The following ELAPOR2 variants were observed in gnomAD, a reference collection of about 807,000 sequenced individuals.
The protein encoded by ELAPOR2 is endosome-lysosome associated apoptosis and autophagy regulator family member 2, also known as endosome/lysosome-associated apoptosis and autophagy regulator family member 2.
In ELAPOR2, 89 loss-of-function variants were observed where a neutral mutation model predicts 120.7. The observed-to-expected ratio is 0.74, with a 90% CI of 0.62 to 0.88. The LOEUF is 0.88. Ranked by LOEUF, ELAPOR2 falls within the 40% of genes least tolerant of loss-of-function variation. ELAPOR2 has a pLI of 0.00. For missense variants in ELAPOR2, 1,134 were observed against 1,251.6 expected (o/e 0.91, Z 1.42); for synonymous variants, 444 against 444.9 (o/e 1.00, Z 0.03).
At chr7:87,016,665 T>TTATATA (rs60187915) in intron 1 of ELAPOR2, among the ~76,000 whole-genome samples, 2 of 147,700 alleles carry the variant, frequency 1.4e-5, no homozygotes, top group Non-Finnish European at 3.0e-5. Context: ...ATAGTAACTA[T>TTATATA]TATATATATA....
intron 1 of ELAPOR2, among the ~76,000 whole-genome samples, chr7:87,034,751 GT>G (rs1198758182): frequency 8.5e-5 from 13 of 152,108 alleles, no homozygotes; most frequent in Non-Finnish European, 1.8e-4. Context: ...TTTTTACACT[GT>G]AGCATTCTTA....
Position 86,940,032 on chromosome 7 carries a change from C to T in ELAPOR2, c.825G>A (p.Leu275=). 2 of 1,604,230 alleles carry T rather than the reference C, an allele frequency of 1.2e-6. No individual in the cohort carries two copies. The highest frequency in any genetic ancestry group is 1.7e-6 in the Non-Finnish European group (2 of 1,173,878). Residue 275 remains leucine, a synonymous_variant, in exon 6 of 22, where the codon CTG becomes CTA. Transcript: ENST00000450689. ...LMGSKAVKPV[L]VKNITIEGVA... Reference sequence around the variant, plus strand: ...TACCTTCAATTGTGATATTTTTTACCAGCACAGGCTTGACCGCCTTAGAAC... The same window carrying T: ...TACCTTCAATTGTGATATTTTTTACTAGCACAGGCTTGACCGCCTTAGAAC...
chr7:87,042,826 G>C (rs1794827612), intron 1 of ELAPOR2, among the ~76,000 whole-genome samples: 1 of 152,086 alleles, frequency 6.6e-6, no homozygotes, highest in Non-Finnish European at 1.5e-5. Context: ...CCAGGAGCTG[G>C]TTTTTTGAAA....
At chr7:86,928,000 C>T (rs1562927610) in intron 8 of ELAPOR2, among the ~76,000 whole-genome samples, 1 of 151,978 alleles carries the variant, frequency 6.6e-6, no homozygotes. Context: ...CTCCTTTAGG[C>T]TACCCAATTT....
chr7:87,047,263 G>A (rs1198910426), intron 1 of ELAPOR2, among the ~76,000 whole-genome samples: 1 of 152,172 alleles, frequency 6.6e-6, no homozygotes, highest in Non-Finnish European at 1.5e-5. Context: ...AAATCTCCAG[G>A]ATATTGGTCT....
At chr7:86,944,321 T>C (rs879806133) in intron 4 of ELAPOR2, among the ~76,000 whole-genome samples, 3 of 152,118 alleles carry the variant, frequency 2.0e-5, no homozygotes, top group Admixed American at 6.5e-5. Flanking sequence ...TTATCTTCCG[T>C]AATGTTATTT....
chr7:86,938,932 A>C lies in ELAPOR2; in HGVS notation c.876T>G (p.Pro292=). The change falls in exon 7 of 22, where the codon CCT becomes CCG. Residue 292 remains proline (P), a synonymous_variant. Coordinates refer to ENST00000450689, the MANE Select transcript of ELAPOR2 (RefSeq NM_001142749.3). The part of the protein sequence containing the change: ...EGVAYTSECF[P]CKPGTFSNKP... ...TGTTGCTGAATGTGCCTGGCTTGCA[A>C]GGAAAACATTCTGATGTGTACGCCA... is the stretch of plus-strand genomic sequence containing the variant. 1 of 1,613,204 alleles carries C rather than the reference A, an allele frequency of 6.2e-7. No homozygotes were observed.
At position 86,893,119 on chromosome 7, in the gene ELAPOR2, A is replaced by G; in HGVS notation, c.2686-19T>C. On this transcript the variant is annotated intron_variant, in intron 19 of 21. Transcript: ENST00000450689. Reference sequence around the variant, plus strand: ...AGGTTTCCTTTAAAAAAAAAAACATAAAACCATAGAAGACATGAGAAATGA... The same window carrying G: ...AGGTTTCCTTTAAAAAAAAAAACATGAAACCATAGAAGACATGAGAAATGA... 6.6e-7 allele frequency: 1 copy of G among 1,516,860 alleles called. No homozygotes were observed. The highest frequency in any genetic ancestry group is 8.8e-7 in the Non-Finnish European group (1 of 1,137,144). 94.0% of individuals were successfully genotyped at this position (1,516,860 alleles called of 1,614,324 possible). A position where few individuals can be genotyped will look rare whatever the true frequency, so the allele number is the denominator to read the frequency against.
At chr7:86,885,744 T>A (rs1367669044) in intron 21 of ELAPOR2, among the ~76,000 whole-genome samples, 1 of 152,144 alleles carries the variant, frequency 6.6e-6, no homozygotes, top group Non-Finnish European at 1.5e-5. Flanking sequence ...GAGCAAGGTT[T>A]AGAGTAGAAA....
chr7:86,967,342 C>T (rs1791946473), intron 1 of ELAPOR2, among the ~76,000 whole-genome samples: 1 of 152,044 alleles, frequency 6.6e-6, no homozygotes, highest in Non-Finnish European at 1.5e-5. Context: ...CGCTTCCCAG[C>T]TACTTGTGAG....
intron 15 of ELAPOR2, 86 bp from the exon 16 acceptor site, chr7:86,910,087 C>CCACTGCTCTTCT: frequency 1.0e-6 from 1 of 981,248 alleles, no homozygotes; most frequent in Non-Finnish European, 1.5e-6. Context: ...CCTAGAAGAG[C>CCACTGCTCTTCT]AGTGGCTCTC....
In ELAPOR2 at chr7:86,938,838, T is replaced by C; in HGVS notation, c.970A>G (p.Ile324Val). ...TYSEKGAKEC[I>V]RCKDDSQFSE... Reference sequence around the variant, plus strand: ...AATTGAGAGTCGTCTTTACACCTTATACATTCTTTGGCTCCTTTCTCAGAA... The same window carrying C: ...AATTGAGAGTCGTCTTTACACCTTACACATTCTTTGGCTCCTTTCTCAGAA... The change falls in exon 7 of 22, where the codon ATA becomes GTA. Residue 324 changes from isoleucine (I) to valine (V), a missense_variant. By Grantham distance (29) the Ile-to-Val change is conservative (BLOSUM62 3). Transcript: ENST00000450689. 1.2e-6 allele frequency: 2 copies of C among 1,613,318 alleles called. No homozygotes were observed. Among genetic ancestry groups the C allele is most frequent in the African/African-American group, 1.3e-5 (1 of 74,966 alleles).
At chr7:87,020,780 T>C (rs1460472648) in intron 1 of ELAPOR2, among the ~76,000 whole-genome samples, 2 of 152,092 alleles carry the variant, frequency 1.3e-5, no homozygotes, top group African/African-American at 4.8e-5. Flanking sequence ...ATTTTTAAAT[T>C]TAAAATTTAG....
chr7:87,022,994 G>C (rs983948384), intron 1 of ELAPOR2, among the ~76,000 whole-genome samples: 3 of 152,116 alleles, frequency 2.0e-5, no homozygotes, highest in Admixed American at 6.6e-5. Flanking sequence ...CAGATGAGTA[G>C]ATTGCAAAAA....
chr7:87,009,619 C>G (rs1793591207), intron 1 of ELAPOR2, among the ~76,000 whole-genome samples: 1 of 152,044 alleles, frequency 6.6e-6, no homozygotes, highest in Non-Finnish European at 1.5e-5. Context: ...AAGTAAGAGG[C>G]TAACCCAACA....
At chr7:86,949,572 G>T (rs1247366229) in intron 2 of ELAPOR2, among the ~76,000 whole-genome samples, 1 of 152,194 alleles carries the variant, frequency 6.6e-6, no homozygotes, top group Non-Finnish European at 1.5e-5. Context: ...CCAAGCCATG[G>T]CTGTGGACCA....
intron 1 of ELAPOR2, among the ~76,000 whole-genome samples, chr7:87,011,856 T>C (rs1356425284): frequency 2.0e-5 from 3 of 152,200 alleles, no homozygotes; most frequent in Non-Finnish European, 4.4e-5. Context: ...ACCAGCTATA[T>C]ATTATATACT....
chr7:86,983,313 T>G (rs1792583213), intron 1 of ELAPOR2, among the ~76,000 whole-genome samples: 1 of 152,108 alleles, frequency 6.6e-6, no homozygotes, highest in Non-Finnish European at 1.5e-5. Flanking sequence ...CAGGCCAACA[T>G]TCAAATTCAG....
intron 1 of ELAPOR2, among the ~76,000 whole-genome samples, chr7:86,995,283 C>T (rs1359407578): frequency 2.6e-5 from 4 of 152,098 alleles, no homozygotes; most frequent in South Asian, 2.1e-4. Flanking sequence ...CAGCTGTCAG[C>T]GAACTATTAC....
Sources: gnomAD v4.1 joint callset for allele counts (sites outside exome capture counted in the v4.1 genomes callset) on GRCh38, gnomAD v4.1.1 for gene constraint, MANE v1.5 for transcripts, NCBI Gene and HGNC (gene_info 2026-07-23, HGNC 2026-07-21) for gene names.